The following PRKG1 variants were observed in gnomAD, a reference collection of about 807,000 sequenced individuals.
PRKG1 encodes protein kinase cGMP-dependent 1, also known as cGMP-dependent protein kinase 1.
In PRKG1, 35 loss-of-function variants were observed where a neutral mutation model predicts 88.1. The ratio of observed to expected loss-of-function variants is 0.40; its 90% CI spans 0.30 to 0.53. PRKG1 has a LOEUF of 0.53. Among genes scored for constraint, PRKG1 ranks in the 20% least tolerant of loss-of-function variants. PRKG1 has a pLI of 0.59. For synonymous variants in PRKG1, 303 were observed against 292.5 expected (o/e 1.04, Z -0.37); for missense variants, 540 against 839.8 (o/e 0.64, Z 4.41).
chr10:51,810,769 G>A (rs1235470709), intron 4 of PRKG1, among the ~76,000 whole-genome samples: 1 of 152,094 alleles, frequency 6.6e-6, no homozygotes, highest in Non-Finnish European at 1.5e-5. Context: ...GAATGGCCTT[G>A]ACTAGGAAGT....
chr10:51,743,130 A>G (rs768947511), intron 3 of PRKG1, among the ~76,000 whole-genome samples: 2 of 152,130 alleles, frequency 1.3e-5, no homozygotes, highest in Non-Finnish European at 2.9e-5. Context: ...ACACACAGAC[A>G]TTTGTAATAA....
At chr10:51,279,662 G>T (rs949201717) in intron 2 of PRKG1, among the ~76,000 whole-genome samples, 10 of 152,234 alleles carry the variant, frequency 6.6e-5, no homozygotes, top group Admixed American at 2.0e-4. Context: ...GATCTTTGTT[G>T]GTTTACAGTC....
chr10:51,548,525 A>G (rs760078292), intron 3 of PRKG1, among the ~76,000 whole-genome samples: 1 of 152,098 alleles, frequency 6.6e-6, no homozygotes, highest in Non-Finnish European at 1.5e-5. Context: ...AATGCTGTCT[A>G]ATAAGAAATC....
chr10:52,154,965 CATT>C (rs1464706174), intron 8 of PRKG1, among the ~76,000 whole-genome samples: 1 of 152,106 alleles, frequency 6.6e-6, no homozygotes, highest in Admixed American at 6.6e-5. Context: ...CTGTAAATGT[CATT>C]ATTTCATTTT....
At chr10:51,506,176 A>G (rs12415593) in intron 3 of PRKG1, among the ~76,000 whole-genome samples, 51,820 of 152,034 alleles carry the variant, frequency 0.34, 10,018 homozygotes, top group African/African-American at 0.52. Flanking sequence ...AAAGACTTAA[A>G]TGTTAGACCT....
intron 5 of PRKG1, among the ~76,000 whole-genome samples, chr10:52,024,464 T>C (rs1282538505): frequency 6.6e-6 from 1 of 152,150 alleles, no homozygotes; most frequent in Non-Finnish European, 1.5e-5. Flanking sequence ...TTTCTCCTAA[T>C]GCTATCCCTC....
intron 9 of PRKG1, among the ~76,000 whole-genome samples, chr10:52,165,814 G>A (rs368286704): frequency 7.2e-5 from 11 of 152,122 alleles, no homozygotes; most frequent in East Asian, 3.9e-4. Context: ...AAGCTCAATC[G>A]CAGAAAGATT....
chr10:52,105,929 G>A (rs1250022176), intron 7 of PRKG1, among the ~76,000 whole-genome samples: 1 of 151,794 alleles, frequency 6.6e-6, no homozygotes, highest in African/African-American at 2.4e-5. Flanking sequence ...CTCAAGCAGT[G>A]TACACTGTAC....
intron 5 of PRKG1, among the ~76,000 whole-genome samples, chr10:51,968,726 G>A (rs1843631502): frequency 6.6e-6 from 1 of 151,076 alleles, no homozygotes; most frequent in African/African-American, 2.4e-5. Flanking sequence ...AGGAGGCTGA[G>A]GCAGGATAAT....
intron 2 of PRKG1, among the ~76,000 whole-genome samples, chr10:51,398,784 G>T (rs1020392992): frequency 1.3e-5 from 2 of 152,310 alleles, no homozygotes; most frequent in East Asian, 3.9e-4. Context: ...CATCTAATTA[G>T]TTGAAGGCCT....
At chr10:51,457,464 T>A (rs1382870650) in intron 2 of PRKG1, among the ~76,000 whole-genome samples, 1 of 152,136 alleles carries the variant, frequency 6.6e-6, no homozygotes, top group Non-Finnish European at 1.5e-5. Context: ...AGACTACATA[T>A]TGGATGCAGT....
At chr10:51,021,170 A>G (rs1371132295) in intron 1 of PRKG1, among the ~76,000 whole-genome samples, 5 of 152,190 alleles carry the variant, frequency 3.3e-5, no homozygotes, top group African/African-American at 1.2e-4. Flanking sequence ...CTTTAATCAG[A>G]TTAGTTTGCA....
At chr10:51,656,948 C>CTG (rs1564593014) in intron 3 of PRKG1, among the ~76,000 whole-genome samples, 3 of 152,222 alleles carry the variant, frequency 2.0e-5, no homozygotes, top group Admixed American at 6.5e-5. Context: ...TGACTTGGCA[C>CTG]TGTGTGGCCT....
At chr10:51,807,243 C>A (rs1283071910) in intron 4 of PRKG1, among the ~76,000 whole-genome samples, 1 of 152,106 alleles carries the variant, frequency 6.6e-6, no homozygotes, top group Non-Finnish European at 1.5e-5. Context: ...AAATGCAGGA[C>A]CTCTTTCAAA....
intron 9 of PRKG1, among the ~76,000 whole-genome samples, chr10:52,223,818 C>T (rs74135373): frequency 0.011 from 1,661 of 152,214 alleles, 30 homozygotes; most frequent in African/African-American, 0.038. Flanking sequence ...CTCAAAATTT[C>T]AGAATCATCC....
chr10:51,445,798 G>A (rs1839255721), intron 2 of PRKG1, among the ~76,000 whole-genome samples: 2 of 151,708 alleles, frequency 1.3e-5, no homozygotes, highest in Admixed American at 1.3e-4. Flanking sequence ...TGCCTGCCGT[G>A]CTAACTGAAT....
chr10:51,484,315 C>A (rs942238531), intron 3 of PRKG1, among the ~76,000 whole-genome samples: 34 of 152,116 alleles, frequency 2.2e-4, no homozygotes, highest in Admixed American at 1.6e-3. Flanking sequence ...TAAAGGCCAT[C>A]GACTTTCTTC....
In PRKG1 at chr10:52,171,785, AATTTTT is replaced by A. The variant is rs1402967493; in HGVS notation, c.1076+9823_1076+9828del. On this transcript the variant is annotated intron_variant, in intron 9 of 17. Transcript: ENST00000373980. The stretch of plus-strand genomic sequence containing the variant: ...AATAGAAGTATTTTTCTTTTATCAA[AATTTTT>A]TTTTTTTTTTTTTTTTTTTTTTGAG... Among the ~76,000 whole-genome samples, 9 of 122,682 alleles carry A rather than the reference AATTTTT, an allele frequency of 7.3e-5. No homozygotes were observed. The East Asian group carries it at 2.1e-3, about 28-fold the overall frequency. The allele number at this position is 122,682 out of a possible 152,430, so 80.5% of individuals were successfully genotyped here.
intron 5 of PRKG1, among the ~76,000 whole-genome samples, chr10:51,923,433 C>T (rs7074448): frequency 0.047 from 7,093 of 150,596 alleles, 551 homozygotes; most frequent in African/African-American, 0.16. Flanking sequence ...TTAATATTAG[C>T]ATATTATTAT....
Sources: allele counts gnomAD v4.1 joint callset (sites outside exome capture counted in the v4.1 genomes callset), GRCh38; gene constraint gnomAD v4.1.1; transcripts MANE v1.5; gene names NCBI Gene and HGNC (gene_info 2026-07-23, HGNC 2026-07-21).